The following PTPRD variants were observed in gnomAD, a reference collection of about 807,000 sequenced individuals.
PTPRD encodes protein tyrosine phosphatase receptor type D, also known as receptor-type tyrosine-protein phosphatase delta.
A neutral mutation model predicts 214.5 loss-of-function variants in PTPRD; 34 were observed. The observed-to-expected ratio is 0.16, with a 90% CI of 0.12 to 0.21. The LOEUF (loss-of-function observed/expected upper bound fraction) is 0.21. PTPRD is among the 10% of genes least tolerant of loss of function. PTPRD has a pLI of 1.00. For synonymous variants in PTPRD, 1,128 were observed against 845.7 expected, an observed-to-expected ratio of 1.33 and a Z score of -5.79; for missense variants, 2,545 against 2,398.7, an observed-to-expected ratio of 1.06 and a Z score of -1.27.
chr9:10,542,986 G>C (rs1461518573), intron 2 of PTPRD, among the ~76,000 whole-genome samples: 1 of 152,046 alleles, frequency 6.6e-6, no homozygotes, highest in Non-Finnish European at 1.5e-5. Context: ...CCCAACCTCA[G>C]GTGATGCACC....
At chr9:9,103,729 C>T (rs1158240392) in intron 10 of PTPRD, among the ~76,000 whole-genome samples, 1 of 152,110 alleles carries the variant, frequency 6.6e-6, no homozygotes, top group Non-Finnish European at 1.5e-5. Context: ...GCCTGTAATA[C>T]CAGCCCTTTT....
rs10816230 is a variant in PTPRD at position 9,914,448 on chromosome 9, C to A, written c.-368+24059G>T. On this transcript the variant is annotated intron_variant, in intron 5 of 45. Transcript: ENST00000381196. The stretch of plus-strand genomic sequence containing the variant: ...GTAGCCGTGTAGCCACGTCAGGGGC[C>A]TAAGAAATAACCCTGTGCCTGCACT... Among the ~76,000 whole-genome samples, 5 of 152,120 alleles carry A rather than the reference C, an allele frequency of 3.3e-5. No individual in the cohort carries two copies. In the South Asian group the frequency reaches 1.0e-3, roughly 32 times the overall value.
In PTPRD at chr9:10,300,921, G is replaced by C. The variant is rs575088285; in HGVS notation, c.-545+40042C>G. Among the ~76,000 whole-genome samples, 41 of 152,244 alleles carry C rather than the reference G, an allele frequency of 2.7e-4. 1 individual carries two copies. Among genetic ancestry groups the C allele is most frequent in the Non-Finnish European group, 5.4e-4 (37 of 68,018 alleles). On this transcript the variant is annotated intron_variant, in intron 3 of 45. Coordinates refer to ENST00000381196, the MANE Select transcript of PTPRD (RefSeq NM_002839.4). ...GCACAGTGTTCGAGCTCTGATAAGG[G>C]TCAGACTGCCTCCTCAAGTGGATCA...
Position 9,601,152 on chromosome 9 carries a change from T to G in PTPRD, c.-286-26371A>C, listed in dbSNP as rs1342176008. 1.5e-3 allele frequency among the ~76,000 whole-genome samples: 98 copies of G among 67,236 alleles called. 1 individual carries two copies. The highest frequency in any genetic ancestry group is 5.6e-3 in the African/African-American group (65 of 11,708). 44.1% of individuals were successfully genotyped at this position (67,236 alleles called of 152,430 possible). A position where few individuals can be genotyped will look rare whatever the true frequency, so the allele number is the denominator to read the frequency against. On this transcript the variant is annotated intron_variant, in intron 7 of 45. Transcript: ENST00000381196. ...GTGTGTGTGTGTGTGTGTGTGTGTA[T>G]GGGGGGGGGAGAGTGGGGAGAGAGA...
At chr9:9,005,637 G>A (rs188883938) in intron 11 of PTPRD, among the ~76,000 whole-genome samples, 2 of 151,978 alleles carry the variant, frequency 1.3e-5, no homozygotes, top group African/African-American at 2.4e-5. Context: ...GCTGCTTTCA[G>A]CTGTAGAGGA....
intron 5 of PTPRD, among the ~76,000 whole-genome samples, chr9:9,853,847 C>T (rs761090390): frequency 6.6e-5 from 10 of 152,178 alleles, no homozygotes; most frequent in Non-Finnish European, 1.0e-4. Flanking sequence ...TGAGCCACCA[C>T]GCCAGCCCAG....
chr9:10,175,794 C>T (rs1395739902), intron 3 of PTPRD, among the ~76,000 whole-genome samples: 1 of 151,816 alleles, frequency 6.6e-6, no homozygotes, highest in Non-Finnish European at 1.5e-5. Flanking sequence ...ATGAGGTTGT[C>T]ATAAGTAATG....
At chr9:9,340,407 C>T (rs1415526409) in intron 9 of PTPRD, among the ~76,000 whole-genome samples, 1 of 152,182 alleles carries the variant, frequency 6.6e-6, no homozygotes, top group African/African-American at 2.4e-5. Context: ...CTCTTTTTAA[C>T]CTTTTAATTA....
At chr9:8,703,403 C>A (rs1024121560) in intron 12 of PTPRD, among the ~76,000 whole-genome samples, 1 of 152,242 alleles carries the variant, frequency 6.6e-6, no homozygotes, top group African/African-American at 2.4e-5. Flanking sequence ...TCCTCTTTAC[C>A]CTTTCAGTTC....
intron 5 of PTPRD, among the ~76,000 whole-genome samples, chr9:9,812,496 G>C (rs1420503197): frequency 6.6e-6 from 1 of 152,114 alleles, no homozygotes; most frequent in Non-Finnish European, 1.5e-5. Flanking sequence ...ATATTCCATG[G>C]AAATGGTAAC....
chr9:10,540,237 A>T (rs1024139712), intron 2 of PTPRD, among the ~76,000 whole-genome samples: 1 of 152,150 alleles, frequency 6.6e-6, no homozygotes, highest in African/African-American at 2.4e-5. Context: ...CATGCTGGCC[A>T]GACTGGTCTC....
chr9:9,808,859 A>G (rs1331466179), intron 5 of PTPRD, among the ~76,000 whole-genome samples: 2 of 151,542 alleles, frequency 1.3e-5, no homozygotes, highest in Non-Finnish European at 2.9e-5. Context: ...GAAACCTCAA[A>G]CTCCTGGGCT....
chr9:8,538,119 T>A (rs2077398851), intron 14 of PTPRD, among the ~76,000 whole-genome samples: 1 of 151,996 alleles, frequency 6.6e-6, no homozygotes, highest in Admixed American at 6.6e-5. Flanking sequence ...TAAAATCCAA[T>A]ATCCATCCAC....
intron 5 of PTPRD, among the ~76,000 whole-genome samples, chr9:9,850,909 G>C (rs2060438167): frequency 6.6e-6 from 1 of 152,142 alleles, no homozygotes; most frequent in Non-Finnish European, 1.5e-5. Context: ...TGACTAAGGA[G>C]AGATTTAATC....
In PTPRD at chr9:9,916,332, A is replaced by G. The variant is rs552864254; in HGVS notation, c.-368+22175T>C. ...AGGAGAAAGAGAAAAGAATAAAACC[A>G]TATCACTATAGAAAACCAACCAACC... On this transcript the variant is annotated intron_variant, in intron 5 of 45. Transcript: ENST00000381196. Among the ~76,000 whole-genome samples the G allele has an allele frequency of 3.3e-5, 5 of 152,082 alleles. No individual in the cohort carries two copies. In the South Asian group the frequency reaches 1.0e-3, roughly 32 times the overall value.
At chr9:10,378,442 T>G (rs1293714171) in intron 2 of PTPRD, among the ~76,000 whole-genome samples, 1 of 152,064 alleles carries the variant, frequency 6.6e-6, no homozygotes, top group Non-Finnish European at 1.5e-5. Context: ...TTTTATAGTT[T>G]GAGGTCTTAA....
intron 3 of PTPRD, among the ~76,000 whole-genome samples, chr9:10,307,616 G>C (rs755377908): frequency 6.6e-6 from 1 of 151,980 alleles, no homozygotes; most frequent in Non-Finnish European, 1.5e-5. Flanking sequence ...GTTATTGTTT[G>C]AGAAATATCC....
intron 8 of PTPRD, among the ~76,000 whole-genome samples, chr9:9,472,069 T>C (rs902685291): frequency 1.3e-5 from 2 of 152,198 alleles, no homozygotes; most frequent in African/African-American, 4.8e-5. Context: ...AGATATAAGA[T>C]GGTGATCTAT....
intron 11 of PTPRD, among the ~76,000 whole-genome samples, chr9:8,865,253 C>T (rs2098176046): frequency 6.6e-6 from 1 of 152,092 alleles, no homozygotes; most frequent in African/African-American, 2.4e-5. Context: ...CAACAAGAAA[C>T]CAGAAAACAA....
Sources: gnomAD v4.1 joint callset for allele counts (sites outside exome capture counted in the v4.1 genomes callset) on GRCh38, gnomAD v4.1.1 for gene constraint, MANE v1.5 for transcripts, NCBI Gene and HGNC (gene_info 2026-07-23, HGNC 2026-07-21) for gene names.